The following SERPINE2 variants were observed in gnomAD, a reference collection of about 807,000 sequenced individuals.
The protein encoded by SERPINE2 is serpin family E member 2.
SERPINE2 carries 14 observed loss-of-function variants against 36.3 expected under a neutral mutation model. The observed-to-expected ratio is 0.39, with a 90% CI of 0.25 to 0.60. The LOEUF is 0.60. Among genes scored for constraint, SERPINE2 ranks in the 20% least tolerant of loss-of-function variants. The pLI is 0.57. For synonymous variants in SERPINE2, 192 were observed against 191.8 expected (o/e 1.00, Z -0.01); for missense variants, 418 against 499.6 (o/e 0.84, Z 1.56).
At chr2:224,038,448 T>C in intron 1 of SERPINE2, 4 of 1,536,538 alleles carry the variant, frequency 2.6e-6, no homozygotes, top group Non-Finnish European at 3.5e-6. Flanking sequence ...ATTAAATGCC[T>C]AATTCCTTCC....
chr2:223,992,096 CAAAG>C, intron 3 of SERPINE2, 96 bp from the exon 4 acceptor site: 3 of 1,076,420 alleles, frequency 2.8e-6, no homozygotes, highest in Non-Finnish European at 4.2e-6. Context: ...ACTGAAAAAT[CAAAG>C]GATTTTTAAG....
Position 223,982,737 on chromosome 2 carries a change from A to T in SERPINE2, c.929T>A (p.Val310Asp). 6.2e-7 allele frequency: 1 copy of T among 1,613,954 alleles called. No individual in the cohort carries two copies. The highest frequency in any genetic ancestry group is 1.7e-5 in the Admixed American group (1 of 59,982). The stretch of plus-strand genomic sequence containing the variant: ...ATCAAACATGTCAGTAATGCCAAGA[A>T]CTTTCAGCGGCTCCTTCAAATCTGT... ...AQTDLKEPLKVLGITDMFDSS... is the reference protein window; with the variant it reads ...AQTDLKEPLKDLGITDMFDSS... Residue 310 changes from valine to aspartate, a missense_variant, in exon 6 of 9, where the codon GTT becomes GAT. Transcript: ENST00000409304.
intron 3 of SERPINE2, among the ~76,000 whole-genome samples, chr2:223,992,916 A>C (rs977751068): frequency 1.3e-5 from 2 of 152,162 alleles, no homozygotes; most frequent in African/African-American, 4.8e-5. Context: ...GTTTGAGACC[A>C]GCCTGGGAAA....
At chr2:224,001,477 T>C in intron 2 of SERPINE2, 165 bp downstream of exon 2, 1 of 684,610 alleles carries the variant, frequency 1.5e-6, no homozygotes, top group Non-Finnish European at 2.4e-6. Context: ...AGCACCACAG[T>C]GTTTGTTCTT....
At chr2:224,038,993 C>A (rs1043426385) in intron 1 of SERPINE2, 106 bp downstream of exon 1, 1 of 152,750 alleles carries the variant, frequency 6.5e-6, no homozygotes, top group African/African-American at 2.4e-5. Flanking sequence ...CCCGGCCGGG[C>A]GCAAGGTCAG....
rs190662910 is a variant in SERPINE2 at position 224,021,874 on chromosome 2, A to C, written c.-23+17225T>G. Among the ~76,000 whole-genome samples, 499 of 152,256 alleles carry C rather than the reference A, an allele frequency of 3.3e-3. 3 individuals carry two copies. The highest frequency in any genetic ancestry group is 0.011 in the African/African-American group (470 of 41,564). On this transcript the variant is annotated intron_variant, in intron 1 of 8. Coordinates refer to ENST00000409304, the MANE Select transcript of SERPINE2 (RefSeq NM_001136528.2). ...CCTAGTCTCTACTAAAAATACAAAA[A>C]TTAGGCTGGGCGTGGTGGCTCACGC...
chr2:224,018,746 TTC>T (rs1691885277), intron 1 of SERPINE2, among the ~76,000 whole-genome samples: 1 of 152,184 alleles, frequency 6.6e-6, no homozygotes, highest in Admixed American at 6.5e-5. Flanking sequence ...CCACCAACTG[TTC>T]ATCCAAGAAC....
intron 3 of SERPINE2, among the ~76,000 whole-genome samples, chr2:223,995,701 T>C (rs1360732148): frequency 6.6e-6 from 1 of 152,260 alleles, no homozygotes; most frequent in African/African-American, 2.4e-5. Context: ...AAGCAGAGCC[T>C]GTGCTTTGTT....
Position 223,975,285 on chromosome 2 carries a change from T to A in SERPINE2, c.*582A>T, listed in dbSNP as rs1031610798. 3.9e-5 allele frequency: 6 copies of A among 152,574 alleles called. No individual in the cohort carries two copies. The highest frequency in any genetic ancestry group is 1.9e-4 in the East Asian group (1 of 5,194). The allele number at this position is 152,574 out of a possible 1,614,324, so 9.5% of individuals were successfully genotyped here. A position where few individuals can be genotyped will look rare whatever the true frequency, so the allele number is the denominator to read the frequency against. On this transcript the variant is annotated 3_prime_UTR_variant, in exon 9 of 9. Transcript: ENST00000409304. ...CTTGTCTAGCAAGACAGGAGTTTTTTAAATTTTATTTTAGTGAATACATGC... is the reference window on the plus strand; with the variant it reads ...CTTGTCTAGCAAGACAGGAGTTTTTAAAATTTTATTTTAGTGAATACATGC...
At chr2:223,984,464 T>A (rs1218943197) in intron 5 of SERPINE2, among the ~76,000 whole-genome samples, 1 of 152,196 alleles carries the variant, frequency 6.6e-6, no homozygotes, top group Non-Finnish European at 1.5e-5. Flanking sequence ...ATGAGATATG[T>A]CAAAAAGCCC....
chr2:224,005,009 A>T (rs1431547673), intron 1 of SERPINE2, among the ~76,000 whole-genome samples: 1 of 124,348 alleles, frequency 8.0e-6, no homozygotes, highest in African/African-American at 3.1e-5. Flanking sequence ...ATATATATGT[A>T]GTATTATATA....
intron 1 of SERPINE2, among the ~76,000 whole-genome samples, chr2:224,038,236 T>A (rs1017834186): frequency 3.3e-5 from 5 of 152,136 alleles, no homozygotes; most frequent in Non-Finnish European, 5.9e-5. Context: ...CTTTTTATGC[T>A]GATGCTAAAT....
intron 1 of SERPINE2, among the ~76,000 whole-genome samples, chr2:224,010,806 T>C (rs1031736782): frequency 2.6e-5 from 4 of 152,216 alleles, no homozygotes; most frequent in African/African-American, 4.8e-5. Context: ...GGCTCTCTTC[T>C]TCTGGTCCTC....
intron 1 of SERPINE2, among the ~76,000 whole-genome samples, chr2:224,020,908 T>C (rs1182853237): frequency 6.6e-6 from 1 of 152,208 alleles, no homozygotes; most frequent in Non-Finnish European, 1.5e-5. Context: ...TCCTAAATTT[T>C]AGCACTATGA....
intron 1 of SERPINE2, among the ~76,000 whole-genome samples, chr2:224,019,834 G>A (rs1559216957): frequency 2.7e-5 from 4 of 150,282 alleles, no homozygotes; most frequent in African/African-American, 4.9e-5. Flanking sequence ...TGCCATGTGG[G>A]TCTGGATAAT....
At chr2:224,033,758 G>A (rs924075254) in intron 1 of SERPINE2, among the ~76,000 whole-genome samples, 8 of 151,734 alleles carry the variant, frequency 5.3e-5, no homozygotes, top group African/African-American at 1.7e-4. Flanking sequence ...GTAAAACCAC[G>A]AAATGCAGAG....
At chr2:224,004,939 T>G (rs1490698392) in intron 1 of SERPINE2, among the ~76,000 whole-genome samples, 1 of 148,292 alleles carries the variant, frequency 6.7e-6, no homozygotes, top group African/African-American at 2.5e-5. Context: ...GACATGAACA[T>G]TAAACTGGTT....
intron 5 of SERPINE2, 139 bp downstream of exon 5, chr2:223,984,613 A>G (rs1690352679): frequency 2.6e-6 from 2 of 759,868 alleles, no homozygotes; most frequent in Admixed American, 5.2e-5. Flanking sequence ...ACGGCCTCGT[A>G]ATCCCACCAT....
chr2:224,031,545 G>C (rs1011722460), intron 1 of SERPINE2: 55 of 978,004 alleles, frequency 5.6e-5, no homozygotes, highest in Non-Finnish European at 6.4e-5. Flanking sequence ...ATTGGTACAC[G>C]GAAGGGCATG....
Sources: allele counts gnomAD v4.1 joint callset (sites outside exome capture counted in the v4.1 genomes callset), GRCh38; gene constraint gnomAD v4.1.1; transcripts MANE v1.5; gene names NCBI Gene and HGNC (gene_info 2026-07-23, HGNC 2026-07-21).